PLCL1: variants seen among roughly 807,000 people sequenced by gnomAD.
PLCL1 encodes phospholipase C like 1 (inactive), also known as inactive phospholipase C-like protein 1.
A neutral mutation model predicts 84.4 loss-of-function variants in PLCL1; 41 were observed. That is an observed-to-expected ratio of 0.49 (90% CI 0.38 to 0.63). PLCL1 has a LOEUF of 0.63. PLCL1 is among the 30% of genes least tolerant of loss of function. The pLI, the probability that PLCL1 is intolerant of heterozygous loss-of-function variation, is 0.00. For synonymous variants in PLCL1, 490 were observed against 488.3 expected, an observed-to-expected ratio of 1.00 and a Z score of -0.05; for missense variants, 1,206 against 1,367.8, an observed-to-expected ratio of 0.88 and a Z score of 1.87.
chr2:198,069,067 T>TA (rs377574315), intron 1 of PLCL1, among the ~76,000 whole-genome samples: 6 of 149,778 alleles, frequency 4.0e-5, no homozygotes, highest in African/African-American at 1.2e-4. Flanking sequence ...AATAAAAAAA[T>TA]AAAAAAAATT....
Position 198,086,200 on chromosome 2 carries a change from C to T in PLCL1, c.2683C>T (p.Arg895Ter), listed in dbSNP as rs752979149. The change falls in exon 2 of 6, where the codon CGA (arginine) becomes TGA (stop). Residue 895 changes from arginine to a stop codon, truncating the protein, a stop_gained. Transcript: ENST00000428675. LOFTEE classifies it high-confidence loss of function. ...DIFKIAVHPL[R>*]EAIDMRENMQ... The stretch of plus-strand genomic sequence containing the variant: ...CTTTAAAATAGCGGTTCATCCATTA[C>T]GAGAAGCCATAGATATGAGAGAAAA... The T allele has an allele frequency of 3.7e-6, 6 of 1,612,880 alleles. No homozygotes were observed. The highest frequency in any genetic ancestry group is 3.4e-6 in the Non-Finnish European group (4 of 1,179,120).
chr2:197,943,627 C>CTTTTTTT (rs5837573), intron 1 of PLCL1, among the ~76,000 whole-genome samples: 84 of 119,170 alleles, frequency 7.0e-4, no homozygotes, highest in African/African-American at 8.3e-4. Flanking sequence ...TTGGTTACAT[C>CTTTTTTT]TTTTTTTTTT....
At position 197,976,668 on chromosome 2, in the gene PLCL1, C is replaced by T. The variant is rs574337187; in HGVS notation, c.241-107090C>T. On this transcript the variant is annotated intron_variant, in intron 1 of 5. Coordinates refer to ENST00000428675, the MANE Select transcript of PLCL1 (RefSeq NM_006226.4). Reference sequence around the variant, plus strand: ...TCCACCATGTTGGCTGGGCTAGTCTCGAACTCCTGACCTCGTGATCCACCC... The same window carrying T: ...TCCACCATGTTGGCTGGGCTAGTCTTGAACTCCTGACCTCGTGATCCACCC... Among the ~76,000 whole-genome samples, 16 of 152,274 alleles carry T rather than the reference C, an allele frequency of 1.1e-4. No homozygotes were observed. In the South Asian group the frequency reaches 2.5e-3, roughly 24 times the overall value.
At chr2:197,989,207 A>G (rs1690285299) in intron 1 of PLCL1, among the ~76,000 whole-genome samples, 1 of 152,204 alleles carries the variant, frequency 6.6e-6, no homozygotes, top group Non-Finnish European at 1.5e-5. Context: ...AATTATTTAT[A>G]GAAGTTTGCT....
chr2:198,042,389 G>A (rs1032518861), intron 1 of PLCL1, among the ~76,000 whole-genome samples: 4 of 152,154 alleles, frequency 2.6e-5, no homozygotes, highest in Admixed American at 2.0e-4. Context: ...ATTTTAGAAA[G>A]GTTAATCTGC....
intron 1 of PLCL1, among the ~76,000 whole-genome samples, chr2:197,997,561 C>T (rs1344747281): frequency 1.3e-5 from 2 of 152,174 alleles, no homozygotes; most frequent in Non-Finnish European, 2.9e-5. Flanking sequence ...CTTTTCATGG[C>T]CCTGCACGCA....
chr2:198,083,689 C>A, intron 1 of PLCL1, 69 bp from the exon 2 acceptor site: 1 of 978,026 alleles, frequency 1.0e-6, no homozygotes, highest in Non-Finnish European at 1.5e-6. Flanking sequence ...TTGAGGAGTT[C>A]ATAGAGTGTT....
Position 198,084,313 on chromosome 2 carries a change from G to T in PLCL1, c.796G>T (p.Glu266Ter). ...GATTATGTTGGAAGACACCTCTGTA[G>T]AGTTAATAAAACAACTCAACCCTAC... ...NGIMLEDTSV[E>*]LIKQLNPTLK... The change falls in exon 2 of 6, where the codon GAG (glutamate) becomes TAG (stop). Residue 266 changes from glutamate to a stop codon, truncating the protein, a stop_gained. Transcript: ENST00000428675. LOFTEE classifies it high-confidence loss of function. The T allele has an allele frequency of 6.2e-7, 1 of 1,614,070 alleles. No individual in the cohort carries two copies. Among genetic ancestry groups the T allele is most frequent in the Non-Finnish European group, 8.5e-7 (1 of 1,179,948 alleles).
At chr2:198,032,650 A>G (rs1291462574) in intron 1 of PLCL1, among the ~76,000 whole-genome samples, 1 of 152,182 alleles carries the variant, frequency 6.6e-6, no homozygotes, top group Non-Finnish European at 1.5e-5. Context: ...AGAATCTTAT[A>G]TCACAGGCTG....
In PLCL1 at chr2:198,086,191, C is replaced by T; in HGVS notation, c.2674C>T (p.His892Tyr). The change falls in exon 2 of 6, where the codon CAT becomes TAT. Residue 892 changes from histidine (H) to tyrosine (Y), a missense_variant. Physicochemically the swap from His to Tyr is moderately conservative, Grantham distance 83. Coordinates refer to ENST00000428675, the MANE Select transcript of PLCL1 (RefSeq NM_006226.4). ...TIDDIFKIAVHPLREAIDMRE... is the reference protein window; with the variant it reads ...TIDDIFKIAVYPLREAIDMRE... The stretch of plus-strand genomic sequence containing the variant: ...TGATGACATCTTTAAAATAGCGGTT[C>T]ATCCATTACGAGAAGCCATAGATAT... 6.2e-7 allele frequency: 1 copy of T among 1,613,506 alleles called. No homozygotes were observed.
chr2:198,054,210 T>C (rs1693737508), intron 1 of PLCL1, among the ~76,000 whole-genome samples: 1 of 152,252 alleles, frequency 6.6e-6, no homozygotes, highest in South Asian at 2.1e-4. Context: ...TATTCACACA[T>C]TTACACATAG....
chr2:198,102,650 A>C (rs1422903317), intron 4 of PLCL1, among the ~76,000 whole-genome samples: 1 of 152,114 alleles, frequency 6.6e-6, no homozygotes, highest in South Asian at 2.1e-4. Flanking sequence ...CCATCTTTAA[A>C]GAAGAGTTTC....
intron 1 of PLCL1, among the ~76,000 whole-genome samples, chr2:197,897,510 T>G (rs1313442321): frequency 2.0e-5 from 3 of 152,276 alleles, no homozygotes; most frequent in African/African-American, 4.8e-5. Flanking sequence ...CTTAGTTTTC[T>G]TATCTAAAAT....
chr2:197,924,126 G>C (rs1688785697), intron 1 of PLCL1, among the ~76,000 whole-genome samples: 1 of 136,520 alleles, frequency 7.3e-6, no homozygotes. Context: ...CCGCATGAGA[G>C]GGAGACCGTG....
chr2:198,019,960 A>G (rs977946052), intron 1 of PLCL1, among the ~76,000 whole-genome samples: 2 of 152,228 alleles, frequency 1.3e-5, no homozygotes, highest in African/African-American at 4.8e-5. Context: ...GTTGAAATGA[A>G]GGGAAAAATG....
rs150794669 is a variant in PLCL1 at position 197,810,533 on chromosome 2, C to T, written c.240+5194C>T. 4.8e-3 allele frequency among the ~76,000 whole-genome samples: 728 copies of T among 152,322 alleles called. 7 individuals are homozygous for T. The highest frequency in any genetic ancestry group is 0.016 in the African/African-American group (671 of 41,574). On this transcript the variant is annotated intron_variant, in intron 1 of 5. Coordinates refer to ENST00000428675, the MANE Select transcript of PLCL1 (RefSeq NM_006226.4). ...TGTTTTCCCAACCTTTCCCTTTTTA[C>T]AATGGAGAAAACAGGTAATTAAATT...
chr2:198,125,967 C>T (rs1693974674), intron 5 of PLCL1, among the ~76,000 whole-genome samples: 1 of 152,114 alleles, frequency 6.6e-6, no homozygotes, highest in Non-Finnish European at 1.5e-5. Context: ...ATGAAGTGTT[C>T]AAATATTAGT....
At chr2:197,914,418 C>T (rs984573747) in intron 1 of PLCL1, among the ~76,000 whole-genome samples, 17 of 151,906 alleles carry the variant, frequency 1.1e-4, no homozygotes, top group African/African-American at 3.6e-4. Context: ...CAACCTCTGC[C>T]TCTTGGGTTC....
chr2:198,091,187 T>C (rs1270932832), intron 3 of PLCL1, among the ~76,000 whole-genome samples: 1 of 152,106 alleles, frequency 6.6e-6, no homozygotes, highest in Non-Finnish European at 1.5e-5. Flanking sequence ...ACCATTGACA[T>C]CTCTGTTGAG....
Sources: gnomAD v4.1 joint callset for allele counts (sites outside exome capture counted in the v4.1 genomes callset) on GRCh38, gnomAD v4.1.1 for gene constraint, MANE v1.5 for transcripts, NCBI Gene and HGNC (gene_info 2026-07-23, HGNC 2026-07-21) for gene names.